Variants in CR1L observed in about 807,000 individuals in gnomAD.
CR1L encodes the protein complement C3b/C4b receptor 1 like, also known as complement component receptor 1-like protein.
Under a neutral mutation model 62.3 loss-of-function variants are expected in CR1L, and 59 were observed. The observed-to-expected ratio is 0.95, with a 90% CI of 0.77 to 1.18. The LOEUF is 1.18. CR1L is among the 50% of genes most tolerant of loss of function. The pLI is 0.00. For synonymous variants in CR1L, 279 were observed against 248.7 expected (o/e 1.12, Z -1.15); for missense variants, 700 against 702.8 (o/e 1.00, Z 0.04).
chr1:207,713,054 T>C (rs1455063830), intron 10 of CR1L, among the ~76,000 whole-genome samples: 1 of 152,066 alleles, frequency 6.6e-6, no homozygotes, highest in Non-Finnish European at 1.5e-5. Context: ...GAGAGATTAA[T>C]TTATGGAAGG....
chr1:207,708,883 T>A (rs1394781518), intron 10 of CR1L: 31 of 403,038 alleles, frequency 7.7e-5, no homozygotes, highest in South Asian at 3.9e-4. Flanking sequence ...AAGGGCAATA[T>A]ACTGGCTGGG....
intron 10 of CR1L, among the ~76,000 whole-genome samples, chr1:207,709,920 CAAT>C (rs2102478647): frequency 6.6e-6 from 1 of 151,790 alleles, no homozygotes; most frequent in South Asian, 2.1e-4. Flanking sequence ...GCACAACTCA[CAAT>C]ATTATAAAAT....
Position 207,659,572 on chromosome 1 carries a change from G to A in CR1L, c.97+14242G>A, listed in dbSNP as rs1022812366. Among the ~76,000 whole-genome samples the A allele has an allele frequency of 2.6e-5, 4 of 152,214 alleles. No homozygotes were observed. In the East Asian group the frequency reaches 7.7e-4, roughly 29 times the overall value. On this transcript the variant is annotated intron_variant, in intron 1 of 11. Transcript: ENST00000508064. Reference sequence around the variant, plus strand: ...TGAATAGGAACAGCTCTGGTCTACAGCTCCCAGTGAGATCAACGTAGAAGA... The same window carrying A: ...TGAATAGGAACAGCTCTGGTCTACAACTCCCAGTGAGATCAACGTAGAAGA...
chr1:207,694,480 T>C lies in CR1L; in HGVS notation c.591T>C (p.Phe197=), dbSNP rs770544390. 2 of 1,613,992 alleles carry C rather than the reference T, an allele frequency of 1.2e-6. No individual in the cohort carries two copies. Among genetic ancestry groups the C allele is most frequent in the Non-Finnish European group, 1.7e-6 (2 of 1,179,890 alleles). ...TTGGAAGCAGAGGGAAAAAGGTGTT[T>C]GAGCTTGTGGGTGAGCCCTCCATAT... is the stretch of plus-strand genomic sequence containing the variant. ...CNLGSRGKKV[F]ELVGEPSIYC... is the part of the protein sequence containing the mutation. Residue 197 remains phenylalanine, a synonymous_variant, in exon 5 of 12, where the codon TTT becomes TTC. Transcript: ENST00000508064.
intron 1 of CR1L, among the ~76,000 whole-genome samples, chr1:207,670,488 A>G (rs1663592663): frequency 6.6e-6 from 1 of 150,824 alleles, no homozygotes; most frequent in African/African-American, 2.5e-5. Context: ...TTCTATTATT[A>G]GTTTTGGGCT....
chr1:207,701,848 A>G (rs1664197866), intron 9 of CR1L: 8 of 701,522 alleles, frequency 1.1e-5, no homozygotes, highest in Non-Finnish European at 2.1e-5. Flanking sequence ...CGTTCACTGG[A>G]TGGGAAGGAA....
At chr1:207,699,590 C>A (rs1395931255) in intron 8 of CR1L, among the ~76,000 whole-genome samples, 1 of 152,116 alleles carries the variant, frequency 6.6e-6, no homozygotes, top group Admixed American at 6.6e-5. Flanking sequence ...TTTCTTTCTT[C>A]TCTTCTTTCC....
chr1:207,686,121 TCCCTTCCTCCCTC>T (rs1663902276), intron 4 of CR1L, among the ~76,000 whole-genome samples: 1 of 17,058 alleles, frequency 5.9e-5, no homozygotes, highest in Non-Finnish European at 1.0e-4. Context: ...CCTCCCTCCC[TCCCTTCCTCCCTC>T]CCTTCCTTCC....
chr1:207,659,696 G>A (rs949769619), intron 1 of CR1L, among the ~76,000 whole-genome samples: 1 of 152,178 alleles, frequency 6.6e-6, no homozygotes, highest in Non-Finnish European at 1.5e-5. Context: ...GAAGCAGAGC[G>A]GGATGTCACC....
chr1:207,710,463 T>C, intron 10 of CR1L: 1 of 1,600,930 alleles, frequency 6.2e-7, no homozygotes, highest in Non-Finnish European at 8.5e-7. Context: ...TATGGATCAG[T>C]GGTGACCTAC....
chr1:207,697,689 C>A lies in CR1L; in HGVS notation c.1039+10C>A. 1.2e-6 allele frequency: 2 copies of A among 1,614,022 alleles called. No individual in the cohort carries two copies. Among genetic ancestry groups the A allele is most frequent in the Non-Finnish European group, 1.7e-6 (2 of 1,179,884 alleles). On this transcript the variant is annotated intron_variant, in intron 6 of 11. Coordinates refer to ENST00000508064, the MANE Select transcript of CR1L (RefSeq NM_175710.2). ...GCCCCCAGATGTGAAGGTGACTAGA[C>A]TCTTATCTGGCTTGGTATTTTTAGC...
Position 207,645,200 on chromosome 1 carries a change from C to T in CR1L, c.-34C>T, listed in dbSNP as rs765003371. ...GCTGGCTTTCGGTTTCTCTGCTCAC[C>T]TCCGGATAAATCACGGGGTCTCCCG... On this transcript the variant is annotated 5_prime_UTR_variant, in exon 1 of 12. Coordinates refer to ENST00000508064, the MANE Select transcript of CR1L (RefSeq NM_175710.2). The T allele has an allele frequency of 5.0e-6, 8 of 1,608,386 alleles. No individual in the cohort carries two copies. The highest frequency in any genetic ancestry group is 2.1e-4 in the Middle Eastern group (1 of 4,710).
Position 207,678,442 on chromosome 1 carries a change from C to G in CR1L, c.377+145C>G, listed in dbSNP as rs756861314. The G allele has an allele frequency of 1.1e-4, 73 of 688,930 alleles. 3 individuals carry two copies. In the South Asian group the frequency reaches 1.4e-3, roughly 13 times the overall value. The allele number at this position is 688,930 out of a possible 1,614,324, so 42.7% of individuals were successfully genotyped here. ...TTCAACACAGGTGCTTAGCTCCTGA[C>G]TGAAATGGACAAAGGTATGACAAGA... On this transcript the variant is annotated intron_variant, in intron 3 of 11. Transcript: ENST00000508064.
chr1:207,657,726 C>G (rs756528444), intron 1 of CR1L, among the ~76,000 whole-genome samples: 10 of 152,098 alleles, frequency 6.6e-5, no homozygotes, highest in Non-Finnish European at 1.5e-4. Context: ...ATGATAAACT[C>G]TGGATAAAAA....
At chr1:207,686,138 T>TC (rs1558018827) in intron 4 of CR1L, among the ~76,000 whole-genome samples, 1 of 28,920 alleles carries the variant, frequency 3.5e-5, no homozygotes. Context: ...CTCCCTCCCT[T>TC]CCTTCCTTCC....
In CR1L at chr1:207,697,783, A is replaced by T; in HGVS notation, c.1052A>T (p.Asp351Val). Reference sequence around the variant, plus strand: ...TCTTTTTTTCCAGTGAAATCCTGTGATGACTTCCTGGGCCAACTTCCTAAT... The same window carrying T: ...TCTTTTTTTCCAGTGAAATCCTGTGTTGACTTCCTGGGCCAACTTCCTAAT... Reference protein sequence around the residue: ...AAPRCEVKSCDDFLGQLPNGH... With the variant: ...AAPRCEVKSCVDFLGQLPNGH... The change falls in exon 7 of 12, where the codon GAT (aspartate) becomes GTT (valine). Residue 351 changes from aspartate to valine, a missense_variant. By Grantham distance (152) the Asp-to-Val change is radical (BLOSUM62 -3). Transcript: ENST00000508064. 2 of 1,613,876 alleles carry T rather than the reference A, an allele frequency of 1.2e-6. No homozygotes were observed. The highest frequency in any genetic ancestry group is 2.2e-5 in the East Asian group (1 of 44,880).
intron 9 of CR1L, among the ~76,000 whole-genome samples, chr1:207,703,488 T>G (rs1298258695): frequency 6.6e-6 from 1 of 152,224 alleles, no homozygotes; most frequent in Non-Finnish European, 1.5e-5. Flanking sequence ...TGAGATATAG[T>G]GCTCAGAAAA....
rs748175888 is a variant in CR1L, at chr1:207,677,533, A to T, written c.242A>T (p.Asn81Ile). ...CCGTTTTCTATCATCTGCCTAAAAA[A>T]CTCAGTCTGGACAAGTGCTAAGGAC... Reference protein sequence around the residue: ...GRPFSIICLKNSVWTSAKDKC... With the variant: ...GRPFSIICLKISVWTSAKDKC... The change falls in exon 2 of 12, where the codon AAC becomes ATC. Residue 81 changes from asparagine (N) to isoleucine (I), a missense_variant. Coordinates refer to ENST00000508064, the MANE Select transcript of CR1L (RefSeq NM_175710.2). The T allele has an allele frequency of 1.9e-6, 3 of 1,613,826 alleles. No individual in the cohort carries two copies. The highest frequency in any genetic ancestry group is 2.2e-5 in the East Asian group (1 of 44,862).
At chr1:207,697,379 T>C in intron 5 of CR1L, 124 bp from the exon 6 acceptor site, 1 of 1,579,260 alleles carries the variant, frequency 6.3e-7, no homozygotes, top group Non-Finnish European at 8.6e-7. Flanking sequence ...ATCAATGTAA[T>C]AAGGCTGTTA....
Sources: allele counts gnomAD v4.1 joint callset (sites outside exome capture counted in the v4.1 genomes callset), GRCh38; gene constraint gnomAD v4.1.1; transcripts MANE v1.5; gene names NCBI Gene and HGNC (gene_info 2026-07-23, HGNC 2026-07-21).